Variants in SYT9 observed in about 807,000 individuals in gnomAD.
The protein encoded by SYT9 is synaptotagmin 9, also known as synaptotagmin-9.
In SYT9, 22 loss-of-function variants were observed where a neutral mutation model predicts 48.4. That is an observed-to-expected ratio of 0.45 (90% CI 0.32 to 0.65). The LOEUF is 0.65. Among genes scored for constraint, SYT9 ranks in the 30% least tolerant of loss-of-function variants. The pLI is 0.03. For synonymous variants in SYT9, 265 were observed against 245.0 expected (o/e 1.08, Z -0.76); for missense variants, 577 against 622.0 (o/e 0.93, Z 0.77).
intron 1 of SYT9, among the ~76,000 whole-genome samples, chr11:7,258,244 G>A (rs56086121): frequency 2.0e-5 from 3 of 152,122 alleles, no homozygotes; most frequent in Admixed American, 2.0e-4. Flanking sequence ...AGCTTAGTGA[G>A]AGGCATAAAT....
chr11:7,278,217 A>G (rs1848433422), intron 1 of SYT9, among the ~76,000 whole-genome samples: 1 of 152,118 alleles, frequency 6.6e-6, no homozygotes, highest in Non-Finnish European at 1.5e-5. Flanking sequence ...TCTTCTTATA[A>G]AGCAATCACT....
At chr11:7,453,532 G>A (rs1219614029) in intron 6 of SYT9, among the ~76,000 whole-genome samples, 2 of 152,328 alleles carry the variant, frequency 1.3e-5, no homozygotes, top group African/African-American at 2.4e-5. Flanking sequence ...GCATTCTGGT[G>A]GAGGGAGACA....
intron 3 of SYT9, among the ~76,000 whole-genome samples, chr11:7,401,842 G>A (rs1785115661): frequency 6.6e-6 from 1 of 151,160 alleles, no homozygotes; most frequent in African/African-American, 2.4e-5. Context: ...TGTTTTATTG[G>A]TTTTGCCCTT....
chr11:7,376,294 C>G (rs984772123), intron 3 of SYT9, among the ~76,000 whole-genome samples: 2 of 150,708 alleles, frequency 1.3e-5, no homozygotes, highest in Non-Finnish European at 3.0e-5. Flanking sequence ...CTCTTTTTCT[C>G]TTTATCTCTT....
chr11:7,443,521 C>G (rs4076556), intron 6 of SYT9, among the ~76,000 whole-genome samples: 64,317 of 152,102 alleles, frequency 0.42, 16,681 homozygotes, highest in African/African-American at 0.73. Context: ...AGAGGCTGCG[C>G]AGCAGACAAG....
chr11:7,269,023 T>C (rs1379816864), intron 1 of SYT9, among the ~76,000 whole-genome samples: 2 of 152,146 alleles, frequency 1.3e-5, no homozygotes, highest in Non-Finnish European at 2.9e-5. Context: ...CATAATGTTT[T>C]TGAGGCCTGG....
intron 3 of SYT9, among the ~76,000 whole-genome samples, chr11:7,351,355 A>G (rs1393860689): frequency 6.6e-6 from 1 of 152,186 alleles, no homozygotes; most frequent in Non-Finnish European, 1.5e-5. Context: ...CAGTCAGTGC[A>G]AGAGGGCCCT....
intron 3 of SYT9, among the ~76,000 whole-genome samples, chr11:7,407,388 T>G (rs1374922550): frequency 6.0e-4 from 20 of 33,390 alleles, no homozygotes; most frequent in Middle Eastern, 0.012. Context: ...TTTTTTTTTT[T>G]TTTGAGACGG....
At chr11:7,318,128 T>A (rs1014026531) in intron 3 of SYT9, among the ~76,000 whole-genome samples, 4 of 152,224 alleles carry the variant, frequency 2.6e-5, no homozygotes, top group Admixed American at 2.0e-4. Context: ...TAAAGTTTTT[T>A]ATTCAAAGCC....
chr11:7,422,398 A>G (rs1847373043), intron 6 of SYT9, among the ~76,000 whole-genome samples: 1 of 152,150 alleles, frequency 6.6e-6, no homozygotes, highest in African/African-American at 2.4e-5. Context: ...ATTGATCCCT[A>G]AGGGAGACCC....
chr11:7,371,204 C>G (rs1021682913), intron 3 of SYT9, among the ~76,000 whole-genome samples: 8 of 151,964 alleles, frequency 5.3e-5, no homozygotes, highest in Middle Eastern at 3.2e-3. Flanking sequence ...TTTGATCTTG[C>G]AAATAAACCT....
rs1387012870 is a variant in SYT9 at position 7,313,947 on chromosome 11, T to C, written c.1044+6T>C. The C allele has an allele frequency of 1.2e-6, 2 of 1,601,986 alleles. No individual in the cohort carries two copies. Among genetic ancestry groups the C allele is most frequent in the East Asian group, 2.2e-5 (1 of 44,786 alleles). On this transcript the variant is annotated splice_donor_region_variant and intron_variant, in intron 3 of 6. Coordinates refer to ENST00000318881, the MANE Select transcript of SYT9 (RefSeq NM_175733.4). The stretch of plus-strand genomic sequence containing the variant: ...ATATCGAATATGTCACCAATGTGAG[T>C]CCAGCATTTCTTCATTTTTGTGGTG...
At chr11:7,459,770 T>C (rs926930367) in intron 6 of SYT9, among the ~76,000 whole-genome samples, 1 of 152,104 alleles carries the variant, frequency 6.6e-6, no homozygotes, top group African/African-American at 2.4e-5. Context: ...TAGAGGGACA[T>C]ACAGGAGACT....
At chr11:7,255,404 T>C (rs953996791) in intron 1 of SYT9, among the ~76,000 whole-genome samples, 3 of 152,184 alleles carry the variant, frequency 2.0e-5, no homozygotes, top group Non-Finnish European at 4.4e-5. Context: ...TGGTTTTTAC[T>C]CTGAATGAGA....
chr11:7,275,187 G>T (rs374939231), intron 1 of SYT9, among the ~76,000 whole-genome samples: 1 of 152,156 alleles, frequency 6.6e-6, no homozygotes, highest in African/African-American at 2.4e-5. Context: ...TGACTAGCCA[G>T]CTATGAACTT....
At chr11:7,383,837 C>T (rs1366681429) in intron 3 of SYT9, among the ~76,000 whole-genome samples, 1 of 152,130 alleles carries the variant, frequency 6.6e-6, no homozygotes, top group Non-Finnish European at 1.5e-5. Context: ...GTCCCTTGCA[C>T]TATATGTCTA....
At chr11:7,312,841 T>A (rs1849165322) in intron 2 of SYT9, among the ~76,000 whole-genome samples, 1 of 152,208 alleles carries the variant, frequency 6.6e-6, no homozygotes, top group African/African-American at 2.4e-5. Flanking sequence ...TGCAGACACA[T>A]CCCAGTCATA....
chr11:7,275,633 T>C (rs1387550069), intron 1 of SYT9, among the ~76,000 whole-genome samples: 1 of 152,200 alleles, frequency 6.6e-6, no homozygotes, highest in Non-Finnish European at 1.5e-5. Context: ...ATACTGATAA[T>C]TCAAGATTCA....
In SYT9 at chr11:7,373,348, G is replaced by A. The variant is rs116683484; in HGVS notation, c.1045-42694G>A. ...GTATTTTTTAATACATCAGCTACAC[G>A]TGTTATTTTATCATTCCCATTCCCC... On this transcript the variant is annotated intron_variant, in intron 3 of 6. Coordinates refer to ENST00000318881, the MANE Select transcript of SYT9 (RefSeq NM_175733.4). 3.9e-3 allele frequency among the ~76,000 whole-genome samples: 591 copies of A among 152,144 alleles called. 5 individuals are homozygous for A. The highest frequency in any genetic ancestry group is 0.014 in the African/African-American group (565 of 41,516).
Sources: gnomAD v4.1 joint callset for allele counts (sites outside exome capture counted in the v4.1 genomes callset) on GRCh38, gnomAD v4.1.1 for gene constraint, MANE v1.5 for transcripts, NCBI Gene and HGNC (gene_info 2026-07-23, HGNC 2026-07-21) for gene names.